ADCY7: variants seen among roughly 807,000 people sequenced by gnomAD.
ADCY7 encodes the protein adenylate cyclase 7.
Under a neutral mutation model 120.6 loss-of-function variants are expected in ADCY7, and 72 were observed. The ratio of observed to expected loss-of-function variants is 0.60; its 90% confidence interval spans 0.49 to 0.73. ADCY7 has a LOEUF of 0.73. ADCY7 is among the 30% of genes least tolerant of loss of function. The pLI is 0.00. For synonymous variants in ADCY7, 661 were observed against 628.0 expected (o/e 1.05, Z -0.78); for missense variants, 1,227 against 1,486.0 (o/e 0.83, Z 2.87).
Position 50,316,311 on chromosome 16 carries a change from A to G in ADCY7, c.*806A>G, listed in dbSNP as rs2036797566. ...ACAGCAAGAAGGCGGGGAGCAGCAG[A>G]GCCTTGCCTTTGAATGAGGCAGCTT... is the stretch of plus-strand genomic sequence containing the variant. On this transcript the variant is annotated 3_prime_UTR_variant, in exon 26 of 26. Coordinates refer to ENST00000673801, the MANE Select transcript of ADCY7 (RefSeq NM_001114.5). The G allele has an allele frequency of 6.6e-6, 1 of 152,400 alleles. No homozygotes were observed. The highest frequency in any genetic ancestry group is 2.1e-4 in the South Asian group (1 of 4,832). The allele number at this position is 152,400 out of a possible 1,614,324, so 9.4% of individuals were successfully genotyped here. A position where few individuals can be genotyped will look rare whatever the true frequency, so the allele number is the denominator to read the frequency against.
At chr16:50,291,597 ATGTC>A in intron 3 of ADCY7, 135 bp from the exon 4 acceptor site, 1 of 881,832 alleles carries the variant, frequency 1.1e-6, no homozygotes, top group Non-Finnish European at 1.8e-6. Flanking sequence ...GTTCCCTTGT[ATGTC>A]TGCCCACGCA....
At chr16:50,248,540 A>C (rs1596782051) in intron 1 of ADCY7, among the ~76,000 whole-genome samples, 1 of 152,232 alleles carries the variant, frequency 6.6e-6, no homozygotes, top group African/African-American at 2.4e-5. Context: ...AAGGGTAGGC[A>C]GGGGCCGTTA....
chr16:50,298,345 G>A (rs190625857), intron 7 of ADCY7, among the ~76,000 whole-genome samples: 2 of 152,214 alleles, frequency 1.3e-5, no homozygotes, highest in African/African-American at 2.4e-5. Flanking sequence ...TGGCATGGCC[G>A]GCTCTCTCGG....
Position 50,293,478 on chromosome 16 carries a change from A to G in ADCY7, c.812A>G (p.Tyr271Cys), listed in dbSNP as rs762035668. Residue 271 changes from tyrosine (Y) to cysteine (C), a missense_variant, in exon 6 of 26, where the codon TAC becomes TGC. Tyr to Cys is a radical substitution (Grantham distance 194). This residue lies in a region of ADCY7 where 382 missense variants were observed against 411.4 expected (regional missense o/e 0.93). Transcript: ENST00000673801. ...CMPDNNFHSL[Y>C]VKRHQNVSIL... The stretch of plus-strand genomic sequence containing the variant: ...CCTGACAACAACTTCCACAGCCTCT[A>G]CGTCAAGAGGCACCAGAATGTCAGG... The G allele has an allele frequency of 3.1e-6, 5 of 1,613,872 alleles. No individual in the cohort carries two copies. In the African/African-American group the frequency reaches 6.7e-5, roughly 22 times the overall value.
chr16:50,265,282 A>G (rs1193999522), upstream of ADCY7, among the ~76,000 whole-genome samples: 1 of 152,118 alleles, frequency 6.6e-6, no homozygotes, highest in South Asian at 2.1e-4. Flanking sequence ...CTAGGGAGAC[A>G]TTTGCTGATA....
chr16:50,308,016 A>AC (rs1567575563), intron 15 of ADCY7, among the ~76,000 whole-genome samples: 3 of 149,452 alleles, frequency 2.0e-5, no homozygotes, highest in Non-Finnish European at 4.5e-5. Context: ...AAAAAAAAAA[A>AC]CGAAGAAAGA....
At chr16:50,285,712 G>T (rs1472120948) in intron 1 of ADCY7, among the ~76,000 whole-genome samples, 1 of 152,204 alleles carries the variant, frequency 6.6e-6, no homozygotes, top group Admixed American at 6.6e-5. Flanking sequence ...GTCCAGGGTT[G>T]CCCCCTTCAT....
chr16:50,283,795 G>A (rs1054617003), intron 1 of ADCY7, among the ~76,000 whole-genome samples: 2 of 152,208 alleles, frequency 1.3e-5, no homozygotes, highest in Non-Finnish European at 2.9e-5. Flanking sequence ...GACCCATGCG[G>A]TGTGGGTGAG....
intron 1 of ADCY7, among the ~76,000 whole-genome samples, chr16:50,284,984 G>T (rs1443149632): frequency 6.6e-6 from 1 of 152,194 alleles, no homozygotes; most frequent in Admixed American, 6.5e-5. Context: ...TGTATCTCAG[G>T]CAGGGACCTT....
chr16:50,315,174 A>C (rs896743092), intron 25 of ADCY7, 36 bp downstream of exon 25: 5 of 1,610,800 alleles, frequency 3.1e-6, no homozygotes, highest in Admixed American at 3.3e-5. Context: ...GACTAAGGGG[A>C]AAAGATCTTC....
At chr16:50,274,656 T>G (rs1334100761) in intron 1 of ADCY7, among the ~76,000 whole-genome samples, 3 of 152,072 alleles carry the variant, frequency 2.0e-5, no homozygotes, top group East Asian at 3.9e-4. Flanking sequence ...ACTGGGGGCC[T>G]CCGGGCCAGG....
chr16:50,286,545 C>G (rs143590894), intron 1 of ADCY7, among the ~76,000 whole-genome samples: 3,331 of 152,240 alleles, frequency 0.022, 43 homozygotes, highest in Non-Finnish European at 0.025. Flanking sequence ...CCTATGCCCC[C>G]CCACCTTCCC....
intron 15 of ADCY7, among the ~76,000 whole-genome samples, chr16:50,307,450 G>A (rs2036145263): frequency 6.6e-6 from 1 of 152,210 alleles, no homozygotes; most frequent in South Asian, 2.1e-4. Flanking sequence ...AGTGCTAGGA[G>A]GATAGACTCT....
intron 1 of ADCY7, among the ~76,000 whole-genome samples, chr16:50,252,740 C>G (rs2032795922): frequency 6.6e-6 from 1 of 152,088 alleles, no homozygotes; most frequent in African/African-American, 2.4e-5. Flanking sequence ...GCTCTGGGCT[C>G]CATTCCCAGG....
chr16:50,304,945 C>T lies in ADCY7; in HGVS notation c.1581C>T (p.Arg527=), dbSNP rs1286754888. The T allele has an allele frequency of 6.2e-7, 1 of 1,613,416 alleles. No homozygotes were observed. The highest frequency in any genetic ancestry group is 1.7e-5 in the Admixed American group (1 of 60,008). The change falls in exon 12 of 26, where the codon CGC becomes CGT. Residue 527 remains arginine, a synonymous_variant. Coordinates refer to ENST00000673801, the MANE Select transcript of ADCY7 (RefSeq NM_001114.5). ...RRPKSVPQRH[R]RTPDRSMSPK... Reference sequence around the variant, plus strand: ...TTCAGAGCGTTCCCCAGCGCCACCGCCGGACCCCAGACAGGTGCGTGCCCT... The same window carrying T: ...TTCAGAGCGTTCCCCAGCGCCACCGTCGGACCCCAGACAGGTGCGTGCCCT...
upstream of ADCY7, among the ~76,000 whole-genome samples, chr16:50,266,128 G>A (rs1374771729): frequency 1.3e-5 from 2 of 152,128 alleles, no homozygotes; most frequent in Admixed American, 6.5e-5. Context: ...GGTGGACGGG[G>A]CCACCTTACT....
Position 50,252,345 on chromosome 16 carries a change from C to G in ADCY7, c.-64+6142C>G, listed in dbSNP as rs926710970. On this transcript the variant is annotated intron_variant, in intron 1 of 4. Transcript: ENST00000564044. ...GTGCTTGGCTTCTAATGCCACTGGT[C>G]CCCCGCCAGCCTGGCTTCGGGGCCA... Among the ~76,000 whole-genome samples, 3 of 152,176 alleles carry G rather than the reference C, an allele frequency of 2.0e-5. 1 individual carries two copies. The highest frequency in any genetic ancestry group is 4.1e-4 in the South Asian group (2 of 4,830).
intron 18 of ADCY7, 52 bp downstream of exon 18, chr16:50,309,698 T>C (rs749494456): frequency 2.0e-5 from 30 of 1,505,016 alleles, no homozygotes; most frequent in Admixed American, 5.6e-5. Context: ...GGGCTGCTGC[T>C]GCCAGAGGTG....
At chr16:50,296,098 C>T (rs1209466350) in intron 7 of ADCY7, among the ~76,000 whole-genome samples, 12 of 152,078 alleles carry the variant, frequency 7.9e-5, no homozygotes, top group Admixed American at 6.6e-4. Flanking sequence ...TGTCACCTAG[C>T]GTGAAGTGCA....
Sources: gnomAD v4.1 joint callset for allele counts (sites outside exome capture counted in the v4.1 genomes callset) on GRCh38, gnomAD v4.1.1 for gene constraint, gnomAD v4.1.1 regional missense constraint, MANE v1.5 for transcripts, NCBI Gene and HGNC (gene_info 2026-07-23, HGNC 2026-07-21) for gene names.